Variants in CNTN5 observed in about 807,000 individuals in gnomAD.
The protein encoded by CNTN5 is contactin 5.
In CNTN5, 77 loss-of-function variants were observed where a neutral mutation model predicts 129.1. The observed-to-expected ratio is 0.60, with a 90% CI of 0.50 to 0.72. The LOEUF is 0.72. Among genes scored for constraint, CNTN5 ranks in the 30% least tolerant of loss-of-function variants. The pLI is 0.00. For missense variants in CNTN5, 1,478 were observed against 1,328.8 expected (o/e 1.11, Z -1.75); for synonymous variants, 509 against 465.6 (o/e 1.09, Z -1.20).
At chr11:100,291,660 G>T (rs1950975985) in intron 18 of CNTN5, among the ~76,000 whole-genome samples, 1 of 151,494 alleles carries the variant, frequency 6.6e-6, no homozygotes, top group South Asian at 2.1e-4. Flanking sequence ...TAGATGACGA[G>T]TTAGTGGGTG....
chr11:99,644,949 GAAAC>G (rs1951897728), intron 3 of CNTN5, among the ~76,000 whole-genome samples: 2 of 151,484 alleles, frequency 1.3e-5, no homozygotes, highest in South Asian at 2.1e-4. Flanking sequence ...TTAACATTAA[GAAAC>G]AAACAAAAAG....
chr11:99,719,676 A>C (rs2135017641), intron 3 of CNTN5, among the ~76,000 whole-genome samples: 1 of 152,242 alleles, frequency 6.6e-6, no homozygotes, highest in South Asian at 2.1e-4. Flanking sequence ...ACCAGAACAC[A>C]AGAAATAACA....
chr11:100,305,121 C>G (rs908577927), intron 20 of CNTN5, among the ~76,000 whole-genome samples: 1 of 151,494 alleles, frequency 6.6e-6, no homozygotes, highest in Non-Finnish European at 1.5e-5. Flanking sequence ...CAGCCTCTTT[C>G]TTTATGCCAA....
At chr11:100,188,765 A>G (rs1411778891) in intron 13 of CNTN5, among the ~76,000 whole-genome samples, 3 of 152,226 alleles carry the variant, frequency 2.0e-5, no homozygotes, top group African/African-American at 4.8e-5. Flanking sequence ...TAGTTCTACC[A>G]AAATGAAATA....
At chr11:99,943,474 T>C (rs1257752801) in intron 7 of CNTN5, among the ~76,000 whole-genome samples, 1 of 152,042 alleles carries the variant, frequency 6.6e-6, no homozygotes, top group Non-Finnish European at 1.5e-5. Flanking sequence ...TTTCTCCCGT[T>C]CTATATGTTG....
At chr11:99,768,481 G>A (rs1944833450) in intron 3 of CNTN5, among the ~76,000 whole-genome samples, 1 of 152,062 alleles carries the variant, frequency 6.6e-6, no homozygotes, top group South Asian at 2.1e-4. Context: ...TCAGCATCCA[G>A]TCAAGGAGTA....
intron 2 of CNTN5, among the ~76,000 whole-genome samples, chr11:99,363,487 G>A (rs570987079): frequency 6.6e-6 from 1 of 152,146 alleles, no homozygotes; most frequent in South Asian, 2.1e-4. Flanking sequence ...GGAGTGCTGG[G>A]GTCTGTGAGA....
At chr11:99,076,607 A>G (rs1479124678) in intron 1 of CNTN5, among the ~76,000 whole-genome samples, 1 of 152,148 alleles carries the variant, frequency 6.6e-6, no homozygotes, top group East Asian at 1.9e-4. Context: ...TTTAAAAAAT[A>G]GATTAAAAGT....
intron 6 of CNTN5, among the ~76,000 whole-genome samples, chr11:99,853,206 G>A (rs981044295): frequency 1.3e-4 from 19 of 151,988 alleles, no homozygotes; most frequent in African/African-American, 4.6e-4. Flanking sequence ...CTGAGTCAAA[G>A]AAACAACAAT....
chr11:100,336,616 A>T (rs1238359840), intron 21 of CNTN5, among the ~76,000 whole-genome samples: 1 of 152,212 alleles, frequency 6.6e-6, no homozygotes, highest in Non-Finnish European at 1.5e-5. Context: ...TTACATAGAG[A>T]GTTCAAAGTT....
intron 13 of CNTN5, among the ~76,000 whole-genome samples, chr11:100,135,176 G>GT (rs10652749): frequency 0.21 from 26,636 of 127,018 alleles, 3,695 homozygotes; most frequent in East Asian, 0.52. Flanking sequence ...ATATAAAAGT[G>GT]TTTTTTTTTT....
At chr11:99,496,499 G>T (rs941308554) in intron 2 of CNTN5, among the ~76,000 whole-genome samples, 1 of 152,148 alleles carries the variant, frequency 6.6e-6, no homozygotes, top group African/African-American at 2.4e-5. Flanking sequence ...AAGAAATACA[G>T]TTCAACTGTC....
At chr11:99,546,692 T>A (rs1419954155) in intron 2 of CNTN5, among the ~76,000 whole-genome samples, 2 of 152,182 alleles carry the variant, frequency 1.3e-5, no homozygotes, top group African/African-American at 2.4e-5. Context: ...GTGTTTTTAA[T>A]AAAATTCACA....
intron 7 of CNTN5, among the ~76,000 whole-genome samples, chr11:99,937,980 C>G (rs1410328229): frequency 6.6e-6 from 1 of 152,166 alleles, no homozygotes; most frequent in East Asian, 1.9e-4. Flanking sequence ...CCAAAAACCT[C>G]TTATTAAATA....
intron 2 of CNTN5, among the ~76,000 whole-genome samples, chr11:99,340,741 A>G (rs1052776623): frequency 1.3e-5 from 2 of 152,216 alleles, no homozygotes; most frequent in African/African-American, 4.8e-5. Context: ...AGCAACAATT[A>G]CTAATAGAAA....
At chr11:99,894,590 A>C (rs1414882101) in intron 6 of CNTN5, among the ~76,000 whole-genome samples, 13 of 149,688 alleles carry the variant, frequency 8.7e-5, no homozygotes, top group Non-Finnish European at 8.8e-5. Flanking sequence ...ACAAACAAAC[A>C]AAAAAACCAT....
chr11:99,622,021 TAC>T (rs1469057731), intron 3 of CNTN5, among the ~76,000 whole-genome samples: 1 of 152,218 alleles, frequency 6.6e-6, no homozygotes, highest in African/African-American at 2.4e-5. Context: ...ACTTTAGAGC[TAC>T]ACACATTTGG....
intron 2 of CNTN5, among the ~76,000 whole-genome samples, chr11:99,397,673 CTCA>C (rs1199590687): frequency 6.6e-6 from 1 of 151,552 alleles, no homozygotes; most frequent in Non-Finnish European, 1.5e-5. Context: ...TTGAAATACT[CTCA>C]TGTTTGTTTT....
intron 21 of CNTN5, among the ~76,000 whole-genome samples, chr11:100,335,498 A>C (rs1480123164): frequency 1.3e-5 from 2 of 152,184 alleles, no homozygotes; most frequent in Admixed American, 1.3e-4. Context: ...TTGGTCAGGC[A>C]CGGTGGCTCA....
Sources: gnomAD v4.1 joint callset for allele counts (sites outside exome capture counted in the v4.1 genomes callset) on GRCh38, gnomAD v4.1.1 for gene constraint, MANE v1.5 for transcripts, NCBI Gene and HGNC (gene_info 2026-07-23, HGNC 2026-07-21) for gene names.